Variants in DYNC2H1 observed in about 807,000 individuals in gnomAD.
The protein encoded by DYNC2H1 is dynein cytoplasmic 2 heavy chain 1.
A neutral mutation model predicts 570.0 loss-of-function variants in DYNC2H1; 410 were observed. That is an observed-to-expected ratio of 0.72 (90% CI 0.66 to 0.78). The LOEUF (loss-of-function observed/expected upper bound fraction) is 0.78. Ranked by LOEUF, DYNC2H1 falls within the 30% of genes least tolerant of loss-of-function variation. The probability of loss-of-function intolerance (pLI) is 0.00; values close to 1 mark genes in which losing one functional copy is unlikely to be tolerated. For missense variants in DYNC2H1, 4,865 were observed against 5,046.4 expected (o/e 0.96, Z 1.09); for synonymous variants, 1,688 against 1,677.6 (o/e 1.01, Z -0.15).
intron 87 of DYNC2H1, among the ~76,000 whole-genome samples, chr11:103,462,912 T>C (rs922081395): frequency 7.2e-5 from 11 of 152,316 alleles, no homozygotes; most frequent in African/African-American, 2.6e-4. Context: ...TGTAGCGTCA[T>C]ACACAAAAAT....
intron 63 of DYNC2H1, among the ~76,000 whole-genome samples, chr11:103,237,036 C>T (rs796067942): frequency 6.6e-6 from 1 of 151,938 alleles, no homozygotes; most frequent in African/African-American, 2.4e-5. Flanking sequence ...TGGAAAATAG[C>T]ATAACCTTAT....
At chr11:103,196,820 G>C (rs11225598) in intron 47 of DYNC2H1, among the ~76,000 whole-genome samples, 2 of 152,002 alleles carry the variant, frequency 1.3e-5, no homozygotes, top group South Asian at 4.1e-4. Context: ...GATTATGACT[G>C]TATTATTGTT....
intron 80 of DYNC2H1, 128 bp downstream of exon 80, chr11:103,316,748 T>G (rs1411193821): frequency 2.1e-5 from 14 of 652,404 alleles, no homozygotes; most frequent in Non-Finnish European, 3.4e-5. Flanking sequence ...TTATTTTATT[T>G]TTTATTTGAC....
At chr11:103,117,939 A>G (rs1476256047) in intron 6 of DYNC2H1, 76 bp downstream of exon 6, 1 of 1,258,724 alleles carries the variant, frequency 7.9e-7, no homozygotes, top group Non-Finnish European at 1.1e-6. Flanking sequence ...GTATTTTATA[A>G]TCAATAAGCA....
chr11:103,290,337 G>C (rs1202107301), intron 75 of DYNC2H1, among the ~76,000 whole-genome samples: 3 of 152,076 alleles, frequency 2.0e-5, no homozygotes, highest in Non-Finnish European at 2.9e-5. Flanking sequence ...TGAGTATATG[G>C]AAATAAGTCT....
intron 53 of DYNC2H1, among the ~76,000 whole-genome samples, chr11:103,211,547 G>C (rs1342733592): frequency 6.6e-6 from 1 of 151,964 alleles, no homozygotes; most frequent in African/African-American, 2.4e-5. Context: ...ATGTTCAGGG[G>C]AAATATATAA....
chr11:103,328,723 G>A (rs1333699662), intron 82 of DYNC2H1, among the ~76,000 whole-genome samples: 1 of 152,184 alleles, frequency 6.6e-6, no homozygotes, highest in Admixed American at 6.5e-5. Context: ...TACAGATGCT[G>A]TGTGTCAGTA....
At chr11:103,323,317 T>C (rs1356319389) in intron 81 of DYNC2H1, among the ~76,000 whole-genome samples, 1 of 152,156 alleles carries the variant, frequency 6.6e-6, no homozygotes, top group Non-Finnish European at 1.5e-5. Flanking sequence ...GATGAAATGA[T>C]AGGATTATCA....
At chr11:103,357,915 A>G (rs998517684) in intron 82 of DYNC2H1, among the ~76,000 whole-genome samples, 3 of 152,148 alleles carry the variant, frequency 2.0e-5, no homozygotes, top group Admixed American at 2.0e-4. Context: ...GCGCTATTGC[A>G]CTCTAGCCTG....
Position 103,133,841 on chromosome 11 carries a change from T to C in DYNC2H1, c.2106+134T>C. ...CAAAAATAGTACAGAGAAATCACAA[T>C]TCCCATTTGCCCAAATTCCCTGTTG... On this transcript the variant is annotated intron_variant, in intron 14 of 88. Coordinates refer to ENST00000375735, the MANE Select transcript of DYNC2H1 (RefSeq NM_001377.3). The surrounding 1 kb of genome is among the most constrained non-coding windows in gnomAD (Gnocchi z 4.8). The C allele has an allele frequency of 1.0e-6, 1 of 978,906 alleles. No homozygotes were observed. Among genetic ancestry groups the C allele is most frequent in the African/African-American group, 1.7e-5 (1 of 59,704 alleles). The allele number at this position is 978,906 out of a possible 1,614,324, so 60.6% of individuals were successfully genotyped here.
intron 85 of DYNC2H1, among the ~76,000 whole-genome samples, chr11:103,445,406 T>C (rs956975240): frequency 5.9e-5 from 9 of 152,296 alleles, no homozygotes; most frequent in Admixed American, 6.5e-5. Flanking sequence ...CTTTTTAATC[T>C]CTTTTTACTT....
chr11:103,421,777 C>A (rs1000700178), intron 84 of DYNC2H1, among the ~76,000 whole-genome samples: 1 of 151,866 alleles, frequency 6.6e-6, no homozygotes, highest in South Asian at 2.1e-4. Flanking sequence ...AGTTAACAAC[C>A]TAACATGCCA....
chr11:103,227,879 A>G (rs1202379521), intron 59 of DYNC2H1, among the ~76,000 whole-genome samples: 1 of 152,050 alleles, frequency 6.6e-6, no homozygotes, highest in Non-Finnish European at 1.5e-5. Context: ...TTAGGTGCAT[A>G]TATGTTTAGG....
intron 66 of DYNC2H1, among the ~76,000 whole-genome samples, chr11:103,253,976 AT>A (rs1003563122): frequency 2.6e-5 from 4 of 151,884 alleles, no homozygotes; most frequent in Non-Finnish European, 4.4e-5. Context: ...TTCCTAACTC[AT>A]TTTTTCCCCT....
chr11:103,315,047 T>C (rs7106734), intron 79 of DYNC2H1, among the ~76,000 whole-genome samples: 25,176 of 152,000 alleles, frequency 0.17, 2,277 homozygotes, highest in Admixed American at 0.25. Flanking sequence ...TTAAATCTGC[T>C]AACAGCAAAA....
rs1408705211 is a variant in DYNC2H1 at position 103,280,096 on chromosome 11, A to G, written c.10696-252A>G. Among the ~76,000 whole-genome samples, 1 of 152,120 alleles carries G rather than the reference A, an allele frequency of 6.6e-6. No individual in the cohort carries two copies. Among genetic ancestry groups the G allele is most frequent in the Non-Finnish European group, 1.5e-5 (1 of 67,984 alleles). ...TAAGTTAGTTTTGTTTTGTTTTTTA[A>G]TGACATGGGCCCACTGCATAATTGT... is the stretch of plus-strand genomic sequence containing the variant. On this transcript the variant is annotated intron_variant, in intron 70 of 88. Coordinates refer to ENST00000375735, the MANE Select transcript of DYNC2H1 (RefSeq NM_001377.3). This position sits in a 1 kb window ranked among gnomAD's most constrained non-coding sequence, Gnocchi z 4.7.
At chr11:103,424,104 G>T (rs649140) in intron 84 of DYNC2H1, among the ~76,000 whole-genome samples, 100,567 of 151,902 alleles carry the variant, frequency 0.66, 34,851 homozygotes, top group African/African-American at 0.88. Context: ...TAGGGGGAAA[G>T]GGAGAATGAC....
At chr11:103,316,070 G>A (rs1187077141) in intron 79 of DYNC2H1, among the ~76,000 whole-genome samples, 1 of 151,890 alleles carries the variant, frequency 6.6e-6, no homozygotes. Flanking sequence ...AAACATTGTA[G>A]CTATTAGTTA....
chr11:103,416,596 C>G (rs1943291701), intron 84 of DYNC2H1, among the ~76,000 whole-genome samples: 2 of 152,168 alleles, frequency 1.3e-5, no homozygotes, highest in African/African-American at 4.8e-5. Flanking sequence ...GCTGGGAAAA[C>G]TGGCTAGCCA....
Sources: gnomAD v4.1 joint callset for allele counts (sites outside exome capture counted in the v4.1 genomes callset) on GRCh38, gnomAD v4.1.1 for gene constraint, Gnocchi (gnomAD v3.1) non-coding constraint, MANE v1.5 for transcripts, NCBI Gene and HGNC (gene_info 2026-07-23, HGNC 2026-07-21) for gene names.